The following MEP1A variants were observed in gnomAD, a reference collection of about 807,000 sequenced individuals.
MEP1A encodes meprin A subunit alpha, also known as N-benzoyl-L-tyrosyl-P-amino-benzoic acid hydrolase subunit alpha.
Under a neutral mutation model 84.5 loss-of-function variants are expected in MEP1A, and 68 were observed. That is an observed-to-expected ratio of 0.80 (90% CI 0.66 to 0.98). MEP1A has a LOEUF of 0.98. Among genes scored for constraint, MEP1A ranks in the 50% least tolerant of loss-of-function variants. The pLI, the probability that MEP1A is intolerant of heterozygous loss-of-function variation, is 0.00. For missense variants in MEP1A, 887 were observed against 919.9 expected (o/e 0.96, Z 0.46); for synonymous variants, 337 against 336.8 (o/e 1.00, Z -0.01).
At position 46,834,759 on chromosome 6, in the gene MEP1A, T is replaced by C. The variant is rs754127716; in HGVS notation, c.1783+8T>C. Reference sequence around the variant, plus strand: ...TATTTGTGGACTTTGAAGGTACTTTTGTTGGTCTTCCTGAGTAAATAATCC... The same window carrying C: ...TATTTGTGGACTTTGAAGGTACTTTCGTTGGTCTTCCTGAGTAAATAATCC... On this transcript the variant is annotated splice_region_variant and intron_variant, in intron 12 of 13. Coordinates refer to ENST00000230588, the MANE Select transcript of MEP1A (RefSeq NM_005588.3). 21 of 1,607,274 alleles carry C rather than the reference T, an allele frequency of 1.3e-5. 1 individual carries two copies. In the Middle Eastern group the frequency reaches 1.6e-3, roughly 121 times the overall value.
chr6:46,795,518 C>G (rs1245231871), intron 3 of MEP1A, among the ~76,000 whole-genome samples: 2 of 152,106 alleles, frequency 1.3e-5, no homozygotes, highest in African/African-American at 4.8e-5. Flanking sequence ...CTAGGCTGGT[C>G]TTGAACTCAA....
chr6:46,807,572 G>C, intron 5 of MEP1A, among the ~76,000 whole-genome samples: 1 of 53,568 alleles, frequency 1.9e-5, no homozygotes. Flanking sequence ...AAGAAAGGAA[G>C]GAAGGAAGGA....
rs756707393 is a variant in MEP1A at position 46,839,169 on chromosome 6, C to T, written c.*33C>T. 1.3e-6 allele frequency: 2 copies of T among 1,595,412 alleles called. No homozygotes were observed. The highest frequency in any genetic ancestry group is 3.4e-5 in the Admixed American group (2 of 58,978). On this transcript the variant is annotated 3_prime_UTR_variant, in exon 14 of 14. Coordinates refer to ENST00000230588, the MANE Select transcript of MEP1A (RefSeq NM_005588.3). Reference sequence around the variant, plus strand: ...GCTGGCATTGGCCAGACCACAGCAGCACCTCCTCCATGCAGGCCTTAACTT... The same window carrying T: ...GCTGGCATTGGCCAGACCACAGCAGTACCTCCTCCATGCAGGCCTTAACTT...
intron 3 of MEP1A, among the ~76,000 whole-genome samples, chr6:46,795,449 C>T (rs1767030241): frequency 6.6e-6 from 1 of 151,990 alleles, no homozygotes; most frequent in Non-Finnish European, 1.5e-5. Flanking sequence ...TATAGGTGCC[C>T]ACCACCATGC....
In MEP1A at chr6:46,809,500, G is replaced by A. The variant is rs767442357; in HGVS notation, c.343G>A (p.Gly115Arg). The change falls in exon 6 of 14, where the codon GGA becomes AGA. Residue 115 changes from glycine (G) to arginine (R), a missense_variant. Physicochemically the swap from Gly to Arg is moderately radical, Grantham distance 125 (BLOSUM62 -2). Transcript: ENST00000230588. ...KSCVDFKPYE[G>R]ESSYIIFQQF... is the part of the protein sequence containing the mutation. Reference sequence around the variant, plus strand: ...CTGTGTGGATTTCAAGCCCTATGAAGGAGAGAGCTCATATATCATATTTCA... The same window carrying A: ...CTGTGTGGATTTCAAGCCCTATGAAAGAGAGAGCTCATATATCATATTTCA... 8.1e-6 allele frequency: 13 copies of A among 1,609,636 alleles called. 1 individual carries two copies. Among genetic ancestry groups the A allele is most frequent in the African/African-American group, 8.0e-5 (6 of 74,706 alleles).
intron 11 of MEP1A, 59 bp downstream of exon 11, chr6:46,833,597 G>A: frequency 8.1e-7 from 1 of 1,228,400 alleles, no homozygotes; most frequent in Middle Eastern, 1.9e-4. Flanking sequence ...CCACAGATGT[G>A]ATTCTGTGGT....
chr6:46,826,454 C>G lies in MEP1A; in HGVS notation c.879C>G (p.Asp293Glu), dbSNP rs761608750. The G allele has an allele frequency of 6.2e-6, 10 of 1,606,016 alleles. No individual in the cohort carries two copies. The highest frequency in any genetic ancestry group is 8.5e-6 in the Non-Finnish European group (10 of 1,176,134). Residue 293 changes from aspartate (D) to glutamate (E), a missense_variant, in exon 9 of 14, where the codon GAC (aspartate) becomes GAG (glutamate). Transcript: ENST00000230588. Reference sequence around the variant, plus strand: ...ATGACACTGACTGGGCCCATCAGGACAGTGCTCAGGCTGGAGAAGTGGATC... The same window carrying G: ...ATGACACTGACTGGGCCCATCAGGAGAGTGCTCAGGCTGGAGAAGTGGATC... ...TRDDTDWAHQ[D>E]SAQAGEVDHT...
rs369724739 is a variant in MEP1A at position 46,819,644 on chromosome 6, G to A, written c.496G>A (p.Glu166Lys). 6.2e-6 allele frequency: 10 copies of A among 1,613,974 alleles called. No homozygotes were observed. Among genetic ancestry groups the A allele is most frequent in the South Asian group, 1.1e-5 (1 of 91,074 alleles). The change falls in exon 7 of 14, where the codon GAG (glutamate) becomes AAG (lysine). Residue 166 changes from glutamate to lysine, a missense_variant. By Grantham distance (56) the Glu-to-Lys change is moderately conservative. Transcript: ENST00000230588. ...EILHALGFYH[E>K]QSRTDRDDYV... is the part of the protein sequence containing the mutation. ...CCTGCATGCTTTGGGATTTTACCACGAGCAGTCAAGGACGGACCGGGATGA... is the reference window on the plus strand; with the variant it reads ...CCTGCATGCTTTGGGATTTTACCACAAGCAGTCAAGGACGGACCGGGATGA...
chr6:46,829,704 C>T (rs1037014284), intron 10 of MEP1A, 133 bp downstream of exon 10: 7 of 668,450 alleles, frequency 1.0e-5, no homozygotes, highest in Non-Finnish European at 1.6e-5. Context: ...ACTTTCTTCT[C>T]TTCTCAGAGC....
At chr6:46,825,551 C>G (rs1187912626) in intron 8 of MEP1A, 58 bp downstream of exon 8, 6 of 1,164,350 alleles carry the variant, frequency 5.2e-6, no homozygotes, top group Non-Finnish European at 6.1e-6. Context: ...ATTCCATCAG[C>G]CTTAGAGATT....
intron 11 of MEP1A, 123 bp downstream of exon 11, chr6:46,833,661 T>G (rs1001623450): frequency 8.3e-6 from 6 of 725,984 alleles, no homozygotes; most frequent in Non-Finnish European, 1.4e-5. Context: ...ACCAATAACA[T>G]AGTCTTGTTG....
intron 6 of MEP1A, 142 bp from the exon 7 acceptor site, chr6:46,819,387 A>G (rs1403049035): frequency 1.5e-6 from 1 of 657,950 alleles, no homozygotes; most frequent in Non-Finnish European, 2.6e-6. Context: ...CCATCTTTGG[A>G]CCATTAGCAT....
chr6:46,844,115 A>G (rs1242612763), downstream of MEP1A, among the ~76,000 whole-genome samples: 7 of 152,172 alleles, frequency 4.6e-5, no homozygotes, highest in Non-Finnish European at 8.8e-5. Context: ...TTCTTATGTC[A>G]GTTTTAATAT....
chr6:46,834,093 C>CAG (rs1768143832), intron 11 of MEP1A, among the ~76,000 whole-genome samples: 1 of 151,868 alleles, frequency 6.6e-6, no homozygotes, highest in Non-Finnish European at 1.5e-5. Flanking sequence ...TCTTCTGTCT[C>CAG]AGACTCCCGA....
intron 5 of MEP1A, among the ~76,000 whole-genome samples, chr6:46,804,481 C>A (rs1279326883): frequency 6.8e-6 from 1 of 147,586 alleles, no homozygotes; most frequent in African/African-American, 2.4e-5. Context: ...TTTCGTCTAT[C>A]CATCCCAATA....
At chr6:46,841,551 G>A (rs532291301), downstream of MEP1A, among the ~76,000 whole-genome samples, 1,487 of 152,298 alleles carry the variant, frequency 9.8e-3, 28 homozygotes, top group African/African-American at 0.034. Flanking sequence ...TCAGGATTTA[G>A]ATGAGCAACA....
intron 5 of MEP1A, among the ~76,000 whole-genome samples, chr6:46,804,072 A>G (rs890846021): frequency 1.3e-5 from 2 of 151,648 alleles, no homozygotes; most frequent in Non-Finnish European, 3.0e-5. Context: ...GAAAAACAAG[A>G]GTCTTCGTAT....
At chr6:46,819,766 C>A in intron 7 of MEP1A, 62 bp downstream of exon 7, 2 of 1,533,318 alleles carry the variant, frequency 1.3e-6, no homozygotes, top group South Asian at 2.4e-5. Context: ...CTGAGATGAC[C>A]AAGCCAAATC....
rs569011788 is a variant in MEP1A at position 46,835,406 on chromosome 6, G to A, written c.1941G>A (p.Gln647=). ...TACCTGTCAGCCTGAGCCAGGGGCA[G>A]CCCAGCCGACAGAAGCGGTCGGTGG... is the stretch of plus-strand genomic sequence containing the variant. The part of the protein sequence containing the change: ...EALPVSLSQG[Q]PSRQKRSVEN... Residue 647 remains glutamine (Q), a synonymous_variant, in exon 13 of 14, where the codon CAG becomes CAA. Transcript: ENST00000230588. 1.9e-6 allele frequency: 3 copies of A among 1,612,358 alleles called. No homozygotes were observed. The East Asian group carries it at 6.7e-5, about 36-fold the overall frequency.
Sources: gnomAD v4.1 joint callset for allele counts (sites outside exome capture counted in the v4.1 genomes callset) on GRCh38, gnomAD v4.1.1 for gene constraint, MANE v1.5 for transcripts, NCBI Gene and HGNC (gene_info 2026-07-23, HGNC 2026-07-21) for gene names.